Variants in CHCHD3 observed in about 807,000 individuals in gnomAD.
CHCHD3 encodes the protein MICOS complex subunit MIC19.
CHCHD3 carries 20 observed loss-of-function variants against 38.2 expected under a neutral mutation model. The ratio of observed to expected loss-of-function variants is 0.52; its 90% CI spans 0.37 to 0.76. CHCHD3 has a LOEUF of 0.76. Among genes scored for constraint, CHCHD3 ranks in the 30% least tolerant of loss-of-function variants. The probability of loss-of-function intolerance (pLI) is 0.00; values close to 1 mark genes in which losing one functional copy is unlikely to be tolerated. For synonymous variants in CHCHD3, 82 were observed against 100.0 expected (o/e 0.82, Z 1.07); for missense variants, 245 against 279.2 (o/e 0.88, Z 0.87).
At chr7:132,802,109 C>T (rs1216025506) in intron 6 of CHCHD3, among the ~76,000 whole-genome samples, 1 of 152,206 alleles carries the variant, frequency 6.6e-6, no homozygotes, top group Non-Finnish European at 1.5e-5. Flanking sequence ...TGGGTACAAA[C>T]ATACCAAAGT....
chr7:132,841,893 C>T (rs1490141888), intron 5 of CHCHD3, among the ~76,000 whole-genome samples: 3 of 151,846 alleles, frequency 2.0e-5, no homozygotes, highest in Non-Finnish European at 4.4e-5. Flanking sequence ...GTCAGGAGTT[C>T]GAGACCAGCC....
chr7:132,913,730 C>T (rs1393973692), intron 4 of CHCHD3, among the ~76,000 whole-genome samples: 1 of 152,084 alleles, frequency 6.6e-6, no homozygotes, highest in Admixed American at 6.6e-5. Flanking sequence ...CCACAGGGGG[C>T]TCAGGCCAGG....
intron 4 of CHCHD3, among the ~76,000 whole-genome samples, chr7:132,929,462 C>T (rs1179266397): frequency 6.6e-6 from 1 of 152,124 alleles, no homozygotes; most frequent in Non-Finnish European, 1.5e-5. Flanking sequence ...TTCTTCTCTC[C>T]ACATACTATT....
chr7:133,078,895 C>G (rs1292680114), intron 1 of CHCHD3, among the ~76,000 whole-genome samples: 6 of 152,212 alleles, frequency 3.9e-5, no homozygotes, highest in Non-Finnish European at 8.8e-5. Flanking sequence ...AACTGCAGTT[C>G]AAAACTGAAG....
intron 3 of CHCHD3, among the ~76,000 whole-genome samples, chr7:132,991,684 G>C (rs1389619643): frequency 1.3e-5 from 2 of 151,782 alleles, no homozygotes; most frequent in Non-Finnish European, 2.9e-5. Context: ...TGAATGCTTT[G>C]ACTTTCCCCC....
intron 6 of CHCHD3, among the ~76,000 whole-genome samples, chr7:132,827,708 T>C (rs917578950): frequency 7.2e-5 from 11 of 152,156 alleles, no homozygotes; most frequent in African/African-American, 2.7e-4. Flanking sequence ...TCCAATCAAA[T>C]CTCCTCTATT....
intron 4 of CHCHD3, among the ~76,000 whole-genome samples, chr7:132,937,322 A>C (rs1810654613): frequency 6.6e-6 from 1 of 152,224 alleles, no homozygotes; most frequent in South Asian, 2.1e-4. Context: ...AACTCAAAAA[A>C]TCCTATTTTT....
At chr7:133,010,314 C>T (rs556444825) in intron 3 of CHCHD3, among the ~76,000 whole-genome samples, 1 of 152,218 alleles carries the variant, frequency 6.6e-6, no homozygotes, top group South Asian at 2.1e-4. Context: ...GGCCACAATA[C>T]AGGCCAAAGC....
intron 1 of CHCHD3, among the ~76,000 whole-genome samples, chr7:133,077,604 C>G (rs1377401390): frequency 6.6e-6 from 1 of 152,226 alleles, no homozygotes; most frequent in East Asian, 1.9e-4. Context: ...TTTGATGTTT[C>G]AGATAAACTT....
At chr7:132,786,087 A>G (rs1386569756) in intron 7 of CHCHD3, among the ~76,000 whole-genome samples, 3 of 152,174 alleles carry the variant, frequency 2.0e-5, no homozygotes, top group African/African-American at 7.2e-5. Flanking sequence ...CTGAGGTGGG[A>G]GGATCCCTTG....
chr7:132,883,032 C>A (rs1329854998), intron 5 of CHCHD3, among the ~76,000 whole-genome samples: 1 of 135,656 alleles, frequency 7.4e-6, no homozygotes, highest in Non-Finnish European at 1.7e-5. Context: ...GTTTCCCCTG[C>A]ACGCTCTCTC....
chr7:133,031,111 C>T (rs1813488008), intron 2 of CHCHD3, among the ~76,000 whole-genome samples: 1 of 152,104 alleles, frequency 6.6e-6, no homozygotes, highest in Non-Finnish European at 1.5e-5. Flanking sequence ...GTCCAAGATT[C>T]CTAAACTTAT....
chr7:133,038,526 G>A (rs1438252171), intron 2 of CHCHD3, among the ~76,000 whole-genome samples: 1 of 152,170 alleles, frequency 6.6e-6, no homozygotes, highest in Non-Finnish European at 1.5e-5. Flanking sequence ...AGCTTCTCAA[G>A]TAGCATTTAA....
chr7:133,006,925 ATAAAAATAGTAAGGACACT>A (rs1161751110), intron 3 of CHCHD3, among the ~76,000 whole-genome samples: 6 of 152,228 alleles, frequency 3.9e-5, no homozygotes, highest in Non-Finnish European at 8.8e-5. Flanking sequence ...AAAGCAGCTC[ATAAAAATAGTAAGGACACT>A]ATAATACCAC....
chr7:132,901,658 G>A (rs1809671844), intron 4 of CHCHD3, among the ~76,000 whole-genome samples: 1 of 152,090 alleles, frequency 6.6e-6, no homozygotes, highest in East Asian at 1.9e-4. Flanking sequence ...TTGTTGATGG[G>A]GTTGATTGTT....
intron 3 of CHCHD3, among the ~76,000 whole-genome samples, chr7:133,016,567 G>T (rs557786727): frequency 8.1e-4 from 123 of 152,294 alleles, no homozygotes; most frequent in African/African-American, 2.8e-3. Context: ...AAAGAAGGGG[G>T]TAAGGTTATT....
intron 6 of CHCHD3, among the ~76,000 whole-genome samples, chr7:132,808,129 A>C (rs1294599739): frequency 6.6e-6 from 1 of 152,198 alleles, no homozygotes; most frequent in African/African-American, 2.4e-5. Context: ...GTTTGGCACA[A>C]ACCCTTCTGA....
chr7:133,075,787 T>C (rs1032658293), intron 1 of CHCHD3, among the ~76,000 whole-genome samples: 20 of 152,066 alleles, frequency 1.3e-4, no homozygotes, highest in Non-Finnish European at 1.0e-4. Flanking sequence ...CGGTCAGGTG[T>C]GGTGGCTCAC....
intron 6 of CHCHD3, among the ~76,000 whole-genome samples, chr7:132,818,212 T>C (rs1405118846): frequency 6.6e-6 from 1 of 152,228 alleles, no homozygotes; most frequent in Non-Finnish European, 1.5e-5. Context: ...GACAGTTTCT[T>C]GTACAGCCTG....
Sources: gnomAD v4.1 joint callset for allele counts (sites outside exome capture counted in the v4.1 genomes callset) on GRCh38, gnomAD v4.1.1 for gene constraint, MANE v1.5 for transcripts, NCBI Gene and HGNC (gene_info 2026-07-23, HGNC 2026-07-21) for gene names.